THADA: variants seen among roughly 807,000 people sequenced by gnomAD.
THADA encodes the protein THADA armadillo repeat containing.
Under a neutral mutation model 219.8 loss-of-function variants are expected in THADA, and 213 were observed. That is an observed-to-expected ratio of 0.97 (90% CI 0.87 to 1.09). The LOEUF (loss-of-function observed/expected upper bound fraction) is 1.09, where lower values mean the gene tolerates loss of function less well. THADA is among the 50% of genes least tolerant of loss of function. THADA has a pLI of 0.00. For missense variants in THADA, 2,956 were observed against 2,311.3 expected, an observed-to-expected ratio of 1.28 and a Z score of -5.72; for synonymous variants, 1,018 against 828.9, an observed-to-expected ratio of 1.23 and a Z score of -3.92.
Position 43,575,003 on chromosome 2 carries a change from C to T in THADA, c.1062G>A (p.Met354Ile), listed in dbSNP as rs958290138. ...AGGATGCTAAGATTCTAGACAGAAA[C>T]ATTTCCAGCGTTGGCTCTTTAATCC... ...SSQIKEPTLE[M>I]FLSRILASWT... The change falls in exon 11 of 38, where the codon ATG (methionine) becomes ATA (isoleucine). Residue 354 changes from methionine (M) to isoleucine (I), a missense_variant. Transcript: ENST00000405975. 36 of 1,611,826 alleles carry T rather than the reference C, an allele frequency of 2.2e-5. No individual in the cohort carries two copies. Among genetic ancestry groups the T allele is most frequent in the Middle Eastern group, 1.6e-4 (1 of 6,072 alleles).
At chr2:43,347,366 C>T (rs747352607) in intron 29 of THADA, among the ~76,000 whole-genome samples, 1 of 152,174 alleles carries the variant, frequency 6.6e-6, no homozygotes, top group Admixed American at 6.5e-5. Context: ...TCTCTTCCAG[C>T]CCCATTCCAA....
At chr2:43,473,414 T>C (rs1321862334) in intron 26 of THADA, among the ~76,000 whole-genome samples, 1 of 152,158 alleles carries the variant, frequency 6.6e-6, no homozygotes, top group African/African-American at 2.4e-5. Context: ...AGCATGGAGC[T>C]GTTGTCTCCT....
chr2:43,380,822 G>A (rs1671919339), intron 29 of THADA, among the ~76,000 whole-genome samples: 2 of 152,164 alleles, frequency 1.3e-5, no homozygotes. Flanking sequence ...AAAATGGCTG[G>A]ATGCGGTGGC....
intron 26 of THADA, among the ~76,000 whole-genome samples, chr2:43,440,156 T>A (rs1194079337): frequency 6.6e-6 from 1 of 152,232 alleles, no homozygotes; most frequent in Non-Finnish European, 1.5e-5. Flanking sequence ...CATACAGGTA[T>A]ATACTTTTAG....
intron 25 of THADA, among the ~76,000 whole-genome samples, chr2:43,494,013 G>A (rs1389168634): frequency 6.6e-6 from 1 of 152,060 alleles, no homozygotes; most frequent in African/African-American, 2.4e-5. Context: ...TCAAACCTCA[G>A]GTCTGTTCCA....
At chr2:43,333,755 G>A (rs1195028044) in intron 30 of THADA, among the ~76,000 whole-genome samples, 1 of 152,100 alleles carries the variant, frequency 6.6e-6, no homozygotes, top group African/African-American at 2.4e-5. Context: ...TCATTTCAAC[G>A]GCATGGAAGT....
At chr2:43,315,078 C>T (rs1677928734) in intron 31 of THADA, among the ~76,000 whole-genome samples, 1 of 152,214 alleles carries the variant, frequency 6.6e-6, no homozygotes, top group African/African-American at 2.4e-5. Context: ...CCTTCCAAGG[C>T]CATTTACAGA....
rs111327107 is a variant in THADA at position 43,315,931 on chromosome 2, T to C, written c.4438+4515A>G. 3.9e-4 allele frequency among the ~76,000 whole-genome samples: 59 copies of C among 152,320 alleles called. 1 individual carries two copies. The highest frequency in any genetic ancestry group is 1.3e-3 in the African/African-American group (55 of 41,578). On this transcript the variant is annotated intron_variant, in intron 31 of 37. Transcript: ENST00000405975. Reference sequence around the variant, plus strand: ...GAACTCCTTTGTCTACAGGGTCAAATTGAGGCTCCTTGGACTTTGGCCTGT... The same window carrying C: ...GAACTCCTTTGTCTACAGGGTCAAACTGAGGCTCCTTGGACTTTGGCCTGT...
At chr2:43,353,391 A>G (rs1445269827) in intron 29 of THADA, among the ~76,000 whole-genome samples, 1 of 152,192 alleles carries the variant, frequency 6.6e-6, no homozygotes, top group Non-Finnish European at 1.5e-5. Flanking sequence ...GTGGCATCAC[A>G]TAATGGTTTT....
intron 20 of THADA, among the ~76,000 whole-genome samples, chr2:43,545,169 A>G (rs1392192989): frequency 6.6e-6 from 1 of 151,830 alleles, no homozygotes; most frequent in Non-Finnish European, 1.5e-5. Flanking sequence ...TATATCCTGG[A>G]TTACATTTAT....
At chr2:43,416,527 T>C (rs1328770988) in intron 28 of THADA, among the ~76,000 whole-genome samples, 1 of 152,216 alleles carries the variant, frequency 6.6e-6, no homozygotes, top group African/African-American at 2.4e-5. Flanking sequence ...TGAGGCCTAC[T>C]ACAGCCTACT....
chr2:43,468,533 C>T (rs566930112), intron 26 of THADA, among the ~76,000 whole-genome samples: 60 of 152,228 alleles, frequency 3.9e-4, no homozygotes, highest in Middle Eastern at 6.8e-3. Context: ...AAAATGAGGT[C>T]CTCCTCACTG....
chr2:43,585,532 G>GTAGATAGATAGATAGA (rs57755595), intron 7 of THADA, among the ~76,000 whole-genome samples: 12 of 139,520 alleles, frequency 8.6e-5, no homozygotes, highest in South Asian at 2.3e-4. Flanking sequence ...AAAAAAAAAT[G>GTAGATAGATAGATAGA]TAGATAGATA....
intron 26 of THADA, among the ~76,000 whole-genome samples, chr2:43,463,860 G>C (rs1001122742): frequency 2.0e-5 from 3 of 152,152 alleles, no homozygotes; most frequent in African/African-American, 7.2e-5. Flanking sequence ...TCCTCTCAGT[G>C]CTCCAGACAC....
intron 31 of THADA, among the ~76,000 whole-genome samples, chr2:43,305,378 AAACT>A (rs1186744431): frequency 6.6e-6 from 1 of 152,096 alleles, no homozygotes; most frequent in Non-Finnish European, 1.5e-5. Context: ...AGGGATTTGG[AAACT>A]AACTTTGTCT....
chr2:43,387,027 G>T (rs1217030895), intron 29 of THADA, among the ~76,000 whole-genome samples: 1 of 151,958 alleles, frequency 6.6e-6, no homozygotes, highest in Non-Finnish European at 1.5e-5. Context: ...TTAACTCAAA[G>T]AAAACATTTT....
At position 43,574,644 on chromosome 2, in the gene THADA, T is replaced by C. The variant is rs748201612; in HGVS notation, c.1421A>G (p.Asp474Gly). 37 of 1,613,886 alleles carry C rather than the reference T, an allele frequency of 2.3e-5. No individual in the cohort carries two copies. The highest frequency in any genetic ancestry group is 3.0e-5 in the Non-Finnish European group (35 of 1,179,898). ...TAAGATTTGAGATGGAATAGTTTTA[T>C]CTATAGCCAAAATATGTTCAACTCC... is the stretch of plus-strand genomic sequence containing the variant. The part of the protein sequence containing the change: ...CIGVEHILAI[D>G]KTIPSQILEV... Residue 474 changes from aspartate to glycine, a missense_variant, in exon 11 of 38, where the codon GAT becomes GGT. Transcript: ENST00000405975.
At chr2:43,424,629 TAC>T (rs1049431444) in intron 28 of THADA, among the ~76,000 whole-genome samples, 11 of 152,238 alleles carry the variant, frequency 7.2e-5, no homozygotes, top group African/African-American at 2.7e-4. Context: ...ATCAAATGCA[TAC>T]AGTTTTATCA....
At chr2:43,503,858 G>A (rs964336824) in intron 24 of THADA, among the ~76,000 whole-genome samples, 15 of 152,010 alleles carry the variant, frequency 9.9e-5, no homozygotes, top group Non-Finnish European at 1.8e-4. Flanking sequence ...TCCAGCACTC[G>A]TTAAAACCAA....
Sources: allele counts gnomAD v4.1 joint callset (sites outside exome capture counted in the v4.1 genomes callset), GRCh38; gene constraint gnomAD v4.1.1; transcripts MANE v1.5; gene names NCBI Gene and HGNC (gene_info 2026-07-23, HGNC 2026-07-21).